The following METTL15 variants were observed in gnomAD, a reference collection of about 807,000 sequenced individuals.
METTL15 encodes the protein methyltransferase 15, mitochondrial 12S rRNA N4-cytidine.
Under a neutral mutation model 38.3 loss-of-function variants are expected in METTL15, and 34 were observed. That is an observed-to-expected ratio of 0.89 (90% CI 0.68 to 1.18). METTL15 has a LOEUF of 1.18. Ranked by LOEUF, METTL15 falls within the 50% of genes most tolerant of loss-of-function variation. METTL15 has a pLI of 0.00. For missense variants in METTL15, 438 were observed against 498.4 expected, an observed-to-expected ratio of 0.88 and a Z score of 1.15; for synonymous variants, 162 against 170.9, an observed-to-expected ratio of 0.95 and a Z score of 0.41.
chr11:28,267,833 G>T (rs2133951319), intron 4 of METTL15, among the ~76,000 whole-genome samples: 1 of 152,306 alleles, frequency 6.6e-6, no homozygotes, highest in South Asian at 2.1e-4. Flanking sequence ...CAAGGGAAAA[G>T]AATAATGCAT....
intron 6 of METTL15, among the ~76,000 whole-genome samples, chr11:28,511,922 T>G (rs920464089): frequency 6.6e-6 from 1 of 151,772 alleles, no homozygotes; most frequent in African/African-American, 2.4e-5. Context: ...AGAGCGGGAG[T>G]GGTCTGTTTT....
intron 6 of METTL15, among the ~76,000 whole-genome samples, chr11:28,431,525 T>A (rs1445329879): frequency 5.5e-5 from 4 of 72,074 alleles, no homozygotes; most frequent in Non-Finnish European, 8.8e-5. Flanking sequence ...CCACTCAGGG[T>A]TAAATGGATT....
At chr11:28,411,910 C>G (rs1352667348) in intron 5 of METTL15, among the ~76,000 whole-genome samples, 1 of 151,946 alleles carries the variant, frequency 6.6e-6, no homozygotes, top group African/African-American at 2.4e-5. Context: ...AAACAAACAA[C>G]CTGATTTTAA....
chr11:28,434,544 A>G (rs1850964776), intron 6 of METTL15, among the ~76,000 whole-genome samples: 1 of 152,224 alleles, frequency 6.6e-6, no homozygotes, highest in Non-Finnish European at 1.5e-5. Context: ...TATGAATATC[A>G]CTAAAAGATG....
chr11:28,123,587 A>G (rs1052616170), intron 3 of METTL15, among the ~76,000 whole-genome samples: 3 of 152,036 alleles, frequency 2.0e-5, no homozygotes, highest in African/African-American at 7.2e-5. Flanking sequence ...GGTAATATGC[A>G]TTTAAATGTT....
At position 28,352,407 on chromosome 11, in the gene METTL15, G is replaced by C. The variant is rs776454457; in HGVS notation, c.*258+249G>C. On this transcript the variant is annotated intron_variant and NMD_transcript_variant, in intron 4 of 7. Transcript: ENST00000532947. Reference sequence around the variant, plus strand: ...TAACAACTAGGGCAGGATAGTAGGGGAGACAATCAGTAAATATTTGTGGAC... The same window carrying C: ...TAACAACTAGGGCAGGATAGTAGGGCAGACAATCAGTAAATATTTGTGGAC... Among the ~76,000 whole-genome samples the C allele has an allele frequency of 3.3e-5, 5 of 152,280 alleles. No homozygotes were observed. In the South Asian group the frequency reaches 8.3e-4, roughly 25 times the overall value.
intron 6 of METTL15, among the ~76,000 whole-genome samples, chr11:28,321,590 T>C (rs992369064): frequency 6.6e-6 from 1 of 152,170 alleles, no homozygotes; most frequent in East Asian, 1.9e-4. Flanking sequence ...AACATTATGA[T>C]AAATTTTACA....
At chr11:28,531,013 A>G (rs1275161676), downstream of METTL15, among the ~76,000 whole-genome samples, 1 of 151,770 alleles carries the variant, frequency 6.6e-6, no homozygotes, top group Non-Finnish European at 1.5e-5. Flanking sequence ...CTGTTTATTT[A>G]TTTCCCTGTT....
chr11:28,456,250 T>C (rs951539366), intron 6 of METTL15, among the ~76,000 whole-genome samples: 2 of 152,014 alleles, frequency 1.3e-5, no homozygotes, highest in African/African-American at 2.4e-5. Context: ...TTTCAAGTGA[T>C]CCTTCTGTCT....
intron 3 of METTL15, among the ~76,000 whole-genome samples, chr11:28,128,991 A>AT (rs1173084463): frequency 6.6e-6 from 1 of 151,934 alleles, no homozygotes; most frequent in Non-Finnish European, 1.5e-5. Context: ...TTTATTTTTT[A>AT]TTTTTTTAAT....
chr11:28,456,310 T>G (rs188054299), intron 6 of METTL15, among the ~76,000 whole-genome samples: 150 of 152,288 alleles, frequency 9.8e-4, no homozygotes, highest in African/African-American at 1.9e-3. Context: ...GTCCCACTGC[T>G]ACTGCACGGT....
chr11:28,388,193 T>C (rs1426338738), intron 5 of METTL15, among the ~76,000 whole-genome samples: 3 of 152,096 alleles, frequency 2.0e-5, no homozygotes, highest in Non-Finnish European at 4.4e-5. Context: ...TTCAATATAG[T>C]GCTGGAAGTC....
intron 4 of METTL15, among the ~76,000 whole-genome samples, chr11:28,260,210 C>T (rs1855145940): frequency 6.6e-6 from 1 of 152,172 alleles, no homozygotes; most frequent in Admixed American, 6.5e-5. Flanking sequence ...CCATATCAGG[C>T]ACTTAGCTCT....
chr11:28,493,019 G>A (rs1851509228), intron 6 of METTL15, among the ~76,000 whole-genome samples: 1 of 152,112 alleles, frequency 6.6e-6, no homozygotes, highest in Non-Finnish European at 1.5e-5. Context: ...TATCCTGGGT[G>A]ATTCTGGAGT....
rs139285810 is a variant in METTL15, at chr11:28,208,321, G to A, written c.271-2741G>A. 4.0e-3 allele frequency among the ~76,000 whole-genome samples: 615 copies of A among 151,972 alleles called. 6 individuals carry two copies. Among genetic ancestry groups the A allele is most frequent in the East Asian group, 0.019 (96 of 5,178 alleles). ...TCTGGTATGTTGTGTCTTTGTTGTCGTTAGTTTCAAAGAACATCTTTATTT... is the reference window on the plus strand; with the variant it reads ...TCTGGTATGTTGTGTCTTTGTTGTCATTAGTTTCAAAGAACATCTTTATTT... On this transcript the variant is annotated intron_variant, in intron 3 of 6. Transcript: ENST00000407364.
At chr11:28,430,130 C>G (rs199809619) in intron 6 of METTL15, among the ~76,000 whole-genome samples, 60,001 of 147,550 alleles carry the variant, frequency 0.41, 12,729 homozygotes, top group Admixed American at 0.51. Context: ...GCAACCACCC[C>G]GTCTGAGAAG....
intron 6 of METTL15, among the ~76,000 whole-genome samples, chr11:28,490,824 C>T (rs1016778080): frequency 2.0e-5 from 3 of 152,096 alleles, no homozygotes; most frequent in Non-Finnish European, 4.4e-5. Flanking sequence ...ACATTCATGA[C>T]AAGACTATGC....
At chr11:28,347,265 A>G (rs1033883352) in intron 3 of METTL15, among the ~76,000 whole-genome samples, 3 of 152,190 alleles carry the variant, frequency 2.0e-5, no homozygotes, top group African/African-American at 7.2e-5. Context: ...GTTCCTACCA[A>G]TGGTAAAGTG....
chr11:28,167,814 C>A (rs185916559), intron 3 of METTL15, among the ~76,000 whole-genome samples: 164 of 151,372 alleles, frequency 1.1e-3, no homozygotes, highest in African/African-American at 2.2e-3. Flanking sequence ...ATTTCAACAC[C>A]TTATCAACTT....
Sources: gnomAD v4.1 joint callset for allele counts (sites outside exome capture counted in the v4.1 genomes callset) on GRCh38, gnomAD v4.1.1 for gene constraint, MANE v1.5 for transcripts, NCBI Gene and HGNC (gene_info 2026-07-23, HGNC 2026-07-21) for gene names.